The following ALS2 variants were observed in gnomAD, a reference collection of about 807,000 sequenced individuals.
ALS2 encodes alsin Rho guanine nucleotide exchange factor ALS2.
ALS2 carries 117 observed loss-of-function variants against 203.4 expected under a neutral mutation model. The ratio of observed to expected loss-of-function variants is 0.58; its 90% CI spans 0.50 to 0.67. ALS2 has a LOEUF of 0.67. Ranked by LOEUF, ALS2 falls within the 30% of genes least tolerant of loss-of-function variation. ALS2 has a pLI of 0.00. For missense variants in ALS2, 1,715 were observed against 1,989.4 expected (o/e 0.86, Z 2.62); for synonymous variants, 718 against 725.9 (o/e 0.99, Z 0.17).
chr2:201,727,098 A>T, intron 17 of ALS2, 114 bp downstream of exon 17: 1 of 1,094,824 alleles, frequency 9.1e-7, no homozygotes, highest in Non-Finnish European at 1.4e-6. Flanking sequence ...AAGATTTATC[A>T]GACAGAACTG....
chr2:201,705,474 C>A lies in ALS2; in HGVS notation c.4581-13G>T. On this transcript the variant is annotated splice_polypyrimidine_tract_variant and intron_variant, in intron 29 of 33. Coordinates refer to ENST00000264276, the MANE Select transcript of ALS2 (RefSeq NM_020919.4). ...TGGCCAAAATTTCCTATAATGGAAT[C>A]CATAAATTATTAATATAAGTTGTTA... 6.2e-7 allele frequency: 1 copy of A among 1,601,818 alleles called. No individual in the cohort carries two copies. Among genetic ancestry groups the A allele is most frequent in the Non-Finnish European group, 8.6e-7 (1 of 1,169,150 alleles).
chr2:201,704,371 ACTC>A, intron 32 of ALS2, 80 bp downstream of exon 32: 1 of 1,554,038 alleles, frequency 6.4e-7, no homozygotes, highest in Non-Finnish European at 8.9e-7. Flanking sequence ...GGAAGAGCGT[ACTC>A]CTGCTGTCAG....
Position 201,707,878 on chromosome 2 carries a change from G to C in ALS2, c.4394C>G (p.Pro1465Arg). The C allele has an allele frequency of 6.2e-7, 1 of 1,613,202 alleles. No individual in the cohort carries two copies. ...TGKSDSRSES[P>R]EPGYVVTSSG... ...ACCCAACTCCATTTACCCTGGCTCT[G>C]GTGATTCAGATCGGGAATCTGACTT... The change falls in exon 28 of 34, where the codon CCA (proline) becomes CGA (arginine). Residue 1465 changes from proline to arginine, a missense_variant. By Grantham distance (103) the Pro-to-Arg change is moderately radical (BLOSUM62 -2). Around this residue, in one of 3 missense-constraint regions of ALS2, gnomAD observed 1,227 missense variants for 1,413.5 expected, o/e 0.87. Transcript: ENST00000264276.
rs57200737 is a variant in ALS2 at position 201,767,705 on chromosome 2, C to CAAA, written c.21-325_21-323dup. 9.0e-4 allele frequency among the ~76,000 whole-genome samples: 127 copies of CAAA among 140,538 alleles called. 1 individual carries two copies. The highest frequency in any genetic ancestry group is 6.4e-3 in the East Asian group (31 of 4,870). 92.2% of individuals were successfully genotyped at this position (140,538 alleles called of 152,430 possible). A position where few individuals can be genotyped will look rare whatever the true frequency, so the allele number is the denominator to read the frequency against. On this transcript the variant is annotated intron_variant, in intron 2 of 33. Transcript: ENST00000264276. ...TGAAACCCTGTTTCTACTAAAAATA[C>CAAA]AAAAAAAAAAAAATCAGCCGGGCAT... is the stretch of plus-strand genomic sequence containing the variant.
intron 21 of ALS2, among the ~76,000 whole-genome samples, chr2:201,723,871 C>T (rs1396285128): frequency 6.6e-6 from 1 of 152,198 alleles, no homozygotes; most frequent in African/African-American, 2.4e-5. Context: ...AATCCCAGCA[C>T]TTTGGGAGGC....
intron 1 of ALS2, among the ~76,000 whole-genome samples, chr2:201,774,915 C>T (rs1694587521): frequency 6.6e-6 from 1 of 152,098 alleles, no homozygotes; most frequent in African/African-American, 2.4e-5. Flanking sequence ...AAGAAATTTC[C>T]ATACTAGTAT....
chr2:201,701,188 T>C lies in ALS2; in HGVS notation c.*663A>G, dbSNP rs924438692. On this transcript the variant is annotated 3_prime_UTR_variant, in exon 34 of 34. Transcript: ENST00000264276. Reference sequence around the variant, plus strand: ...AACAAAATTCCTATGTTCTTTTAAGTTAAGAGGCAGAAGACTCCTATTTGG... The same window carrying C: ...AACAAAATTCCTATGTTCTTTTAAGCTAAGAGGCAGAAGACTCCTATTTGG... The C allele has an allele frequency of 2.0e-5, 3 of 152,654 alleles. No homozygotes were observed. Among genetic ancestry groups the C allele is most frequent in the African/African-American group, 7.2e-5 (3 of 41,430 alleles). The allele number at this position is 152,654 out of a possible 1,614,324, so 9.5% of individuals were successfully genotyped here. A position where few individuals can be genotyped will look rare whatever the true frequency, so the allele number is the denominator to read the frequency against.
intron 1 of ALS2, among the ~76,000 whole-genome samples, chr2:201,780,468 G>C (rs1694850299): frequency 6.6e-6 from 1 of 152,238 alleles, no homozygotes; most frequent in African/African-American, 2.4e-5. Context: ...CCAGGCCACG[G>C]ACCCCAGTTT....
In ALS2 at chr2:201,754,655, T is replaced by C. The variant is rs1693275095; in HGVS notation, c.1488A>G (p.Leu496=). 1.2e-6 allele frequency: 2 copies of C among 1,613,946 alleles called. No individual in the cohort carries two copies. The highest frequency in any genetic ancestry group is 2.7e-5 in the African/African-American group (2 of 74,886). ...TCGTTTTCACCCGTGCAGCCTTTCT[T>C]AAGAGCCTGGGGGAAACTGAAAACC... The part of the protein sequence containing the change: ...GLLSQVSPRL[L]RKAARVKTRT... The change falls in exon 6 of 34, where the codon TTA becomes TTG. Residue 496 remains leucine, a synonymous_variant. Transcript: ENST00000264276.
chr2:201,761,422 T>C lies in ALS2; in HGVS notation c.572A>G (p.Lys191Arg). 1 of 1,607,948 alleles carries C rather than the reference T, an allele frequency of 6.2e-7. No individual in the cohort carries two copies. The highest frequency in any genetic ancestry group is 8.5e-7 in the Non-Finnish European group (1 of 1,175,342). Residue 191 changes from lysine (K) to arginine (R), a missense_variant, in exon 4 of 34, where the codon AAG becomes AGG. Physicochemically the swap from Lys to Arg is conservative, Grantham distance 26. Transcript: ENST00000264276. ...GLITTAFPVT[K>R]PQKVEHLAGR... The stretch of plus-strand genomic sequence containing the variant: ...AGCAAGATGTTCTACCTTTTGCGGC[T>C]TTGTCACTGGGAAGGCAGTGGTAAT...
In ALS2 at chr2:201,700,296, T is replaced by C. The variant is rs1689308665; in HGVS notation, c.*1555A>G. ...AAAATATGCTTTTTATTCAAAGAAA[T>C]AATAGATTTCTTTGGAGACCCGTGT... On this transcript the variant is annotated 3_prime_UTR_variant, in exon 34 of 34. Transcript: ENST00000264276. 6.6e-6 allele frequency among the ~76,000 whole-genome samples: 1 copy of C among 152,160 alleles called. No homozygotes were observed. Among genetic ancestry groups the C allele is most frequent in the East Asian group, 1.9e-4 (1 of 5,200 alleles).
chr2:201,772,273 G>A (rs1694428058), intron 1 of ALS2, among the ~76,000 whole-genome samples: 1 of 109,316 alleles, frequency 9.1e-6, no homozygotes, highest in African/African-American at 2.9e-5. Flanking sequence ...ATCTGGAAGT[G>A]CCCTTAACAA....
rs1232011140 is a variant in ALS2, at chr2:201,726,777, A to G, written c.3069T>C (p.Val1023=). The G allele has an allele frequency of 6.2e-7, 1 of 1,614,174 alleles. No homozygotes were observed. Among genetic ancestry groups the G allele is most frequent in the Non-Finnish European group, 8.5e-7 (1 of 1,180,016 alleles). ...DLPPYGSGSS[V]QRQEPPISRS... The stretch of plus-strand genomic sequence containing the variant: ...GTGAAATGGGTGGTTCCTGTCTCTG[A>G]ACACTGCTACCACTTCCATAAGGGG... The change falls in exon 18 of 34, where the codon GTT becomes GTC. Residue 1023 remains valine, a synonymous_variant. Transcript: ENST00000264276.
chr2:201,771,203 C>T lies in ALS2; in HGVS notation c.-60-2258G>A, dbSNP rs185921522. 6.4e-3 allele frequency among the ~76,000 whole-genome samples: 975 copies of T among 152,000 alleles called. 14 individuals carry two copies. The highest frequency in any genetic ancestry group is 0.023 in the African/African-American group (942 of 41,446). The stretch of plus-strand genomic sequence containing the variant: ...CTGGGATTACAGGCACCCGCCATTA[C>T]GCCTAGCTAATTTTTGTATTTTTAG... On this transcript the variant is annotated intron_variant, in intron 1 of 33. Coordinates refer to ENST00000264276, the MANE Select transcript of ALS2 (RefSeq NM_020919.4).
At chr2:201,713,541 A>G (rs1322016604) in intron 25 of ALS2, among the ~76,000 whole-genome samples, 9 of 152,128 alleles carry the variant, frequency 5.9e-5, no homozygotes, top group Admixed American at 3.9e-4. Context: ...AGATTTGATA[A>G]TCCATACTGA....
chr2:201,703,238 T>C (rs1438116400), intron 33 of ALS2, among the ~76,000 whole-genome samples: 2 of 152,166 alleles, frequency 1.3e-5, no homozygotes, highest in African/African-American at 4.8e-5. Flanking sequence ...CCTTCTCTCT[T>C]CCTTTCTCTA....
intron 33 of ALS2, among the ~76,000 whole-genome samples, chr2:201,702,975 G>A (rs925302185): frequency 2.6e-5 from 4 of 152,142 alleles, no homozygotes; most frequent in African/African-American, 9.7e-5. Flanking sequence ...AATTAGCCAG[G>A]TGTGGTGGCA....
rs1208063553 is a variant in ALS2 at position 201,741,706 on chromosome 2, C to T, written c.2319G>A (p.Lys773=). ...VKEARSLVIL[K]HSSLFLDSYT... is the part of the protein sequence containing the mutation. ...AACTATCCAAGAAGAGACTTGAATG[C>T]TTCAGGATGACCAAACTCCTGGCTT... Residue 773 remains lysine, a synonymous_variant, in exon 11 of 34, where the codon AAG becomes AAA. Coordinates refer to ENST00000264276, the MANE Select transcript of ALS2 (RefSeq NM_020919.4). The T allele has an allele frequency of 6.2e-7, 1 of 1,614,014 alleles. No individual in the cohort carries two copies. The highest frequency in any genetic ancestry group is 8.5e-7 in the Non-Finnish European group (1 of 1,180,036).
intron 9 of ALS2, 138 bp downstream of exon 9, chr2:201,746,428 C>A: frequency 1.1e-6 from 1 of 948,478 alleles, no homozygotes; most frequent in Non-Finnish European, 1.7e-6. Context: ...GTGAAGGGGG[C>A]TTGAAAGGAG....
Sources: allele counts gnomAD v4.1 joint callset (sites outside exome capture counted in the v4.1 genomes callset), GRCh38; gene constraint gnomAD v4.1.1; regional missense constraint gnomAD v4.1.1; transcripts MANE v1.5; gene names NCBI Gene and HGNC (gene_info 2026-07-23, HGNC 2026-07-21).